NBEA: variants seen among roughly 807,000 people sequenced by gnomAD.
The protein encoded by NBEA is lysosomal-trafficking regulator 2.
Under a neutral mutation model 343.4 loss-of-function variants are expected in NBEA, and 44 were observed. The observed-to-expected ratio is 0.13, with a 90% CI of 0.10 to 0.16. The LOEUF is 0.16. NBEA is among the 10% of genes least tolerant of loss of function. The pLI is 1.00. For synonymous variants in NBEA, 1,175 were observed against 1,238.7 expected (o/e 0.95, Z 1.08); for missense variants, 2,555 against 3,631.3 (o/e 0.70, Z 7.62).
intron 44 of NBEA, among the ~76,000 whole-genome samples, chr13:35,559,151 G>C (rs1007401263): frequency 6.6e-6 from 1 of 152,172 alleles, no homozygotes; most frequent in Non-Finnish European, 1.5e-5. Flanking sequence ...GGTTTTCTTA[G>C]AGAAGCTTCA....
intron 41 of NBEA, among the ~76,000 whole-genome samples, chr13:35,501,151 T>C (rs2076872377): frequency 6.6e-6 from 1 of 152,128 alleles, no homozygotes; most frequent in Non-Finnish European, 1.5e-5. Flanking sequence ...GGTACTTTAG[T>C]ATCATGAGAG....
At chr13:35,563,333 T>G (rs1036677715) in intron 44 of NBEA, among the ~76,000 whole-genome samples, 2 of 152,008 alleles carry the variant, frequency 1.3e-5, no homozygotes, top group African/African-American at 4.8e-5. Context: ...CAGAGCCTCA[T>G]GAGTATTACT....
chr13:35,486,010 A>G (rs1043919805), intron 41 of NBEA, among the ~76,000 whole-genome samples: 2 of 152,062 alleles, frequency 1.3e-5, no homozygotes, highest in African/African-American at 4.8e-5. Flanking sequence ...AAAATTCTCC[A>G]GATTGTTTAG....
chr13:35,401,729 A>G (rs2043010743), intron 38 of NBEA, among the ~76,000 whole-genome samples: 1 of 151,986 alleles, frequency 6.6e-6, no homozygotes, highest in South Asian at 2.1e-4. Context: ...GGCAGAGGTC[A>G]TTTATTATCA....
intron 38 of NBEA, among the ~76,000 whole-genome samples, chr13:35,430,771 A>G (rs954062171): frequency 3.9e-5 from 6 of 152,160 alleles, no homozygotes; most frequent in Admixed American, 1.3e-4. Context: ...TGATTTTAGC[A>G]TGGTCTTCCT....
chr13:35,491,068 C>G (rs1312504316), intron 41 of NBEA, among the ~76,000 whole-genome samples: 1 of 151,690 alleles, frequency 6.6e-6, no homozygotes, highest in Non-Finnish European at 1.5e-5. Context: ...CTTATATTAC[C>G]CAAGACCACA....
At chr13:35,552,004 T>C (rs2079350542) in intron 43 of NBEA, among the ~76,000 whole-genome samples, 1 of 152,292 alleles carries the variant, frequency 6.6e-6, no homozygotes, top group South Asian at 2.1e-4. Context: ...CTAGGTTTTA[T>C]GGAAAAAGAT....
chr13:35,193,358 C>T (rs574225605), intron 30 of NBEA, among the ~76,000 whole-genome samples: 23 of 151,988 alleles, frequency 1.5e-4, no homozygotes, highest in Non-Finnish European at 2.7e-4. Flanking sequence ...TACGGCTATT[C>T]TTCTTTTGAC....
chr13:35,159,230 T>G lies in NBEA; in HGVS notation c.3059T>G (p.Val1020Gly). The change falls in exon 22 of 59, where the codon GTC (valine) becomes GGC (glycine). Residue 1020 changes from valine (V) to glycine (G), a missense_variant. Val to Gly is a moderately radical substitution (Grantham distance 109). Coordinates refer to ENST00000379939, the MANE Select transcript of NBEA (RefSeq NM_001385012.1). ...CCAGAAAGTGAGACCGATTACCCTG[T>G]CAGCACAGATACTCGAGACTTACTC... Reference protein sequence around the residue: ...QSPESETDYPVSTDTRDLLMS... With the variant: ...QSPESETDYPGSTDTRDLLMS... The G allele has an allele frequency of 6.2e-7, 1 of 1,613,598 alleles. No individual in the cohort carries two copies. The highest frequency in any genetic ancestry group is 8.5e-7 in the Non-Finnish European group (1 of 1,179,650).
At chr13:35,218,402 T>A (rs1196196797) in intron 33 of NBEA, among the ~76,000 whole-genome samples, 1 of 152,030 alleles carries the variant, frequency 6.6e-6, no homozygotes, top group Non-Finnish European at 1.5e-5. Context: ...TTCTATAGAT[T>A]GTTTCAAAAT....
chr13:35,430,391 G>C (rs564881132), intron 38 of NBEA, among the ~76,000 whole-genome samples: 6 of 152,212 alleles, frequency 3.9e-5, no homozygotes, highest in Admixed American at 3.9e-4. Flanking sequence ...TTTATGGGTT[G>C]TCTGTTTACT....
chr13:35,136,730 C>T lies in NBEA; in HGVS notation c.2337-5539C>T, dbSNP rs149861331. On this transcript the variant is annotated intron_variant, in intron 17 of 58. Transcript: ENST00000379939. ...GCAAGTTCTGAAAGAAGGTGTGACC[C>T]GAGAATATTATATCCTGCCAGATTG... is the stretch of plus-strand genomic sequence containing the variant. 6.9e-3 allele frequency among the ~76,000 whole-genome samples: 1,057 copies of T among 152,162 alleles called. 4 individuals carry two copies. The highest frequency in any genetic ancestry group is 0.011 in the Non-Finnish European group (720 of 68,000).
intron 38 of NBEA, among the ~76,000 whole-genome samples, chr13:35,424,081 T>C (rs2044483117): frequency 1.3e-5 from 2 of 152,178 alleles, no homozygotes; most frequent in South Asian, 4.1e-4. Flanking sequence ...AGATATACAA[T>C]CATGTCATCT....
chr13:35,254,917 T>C (rs2032413836), intron 34 of NBEA, among the ~76,000 whole-genome samples: 1 of 152,026 alleles, frequency 6.6e-6, no homozygotes, highest in African/African-American at 2.4e-5. Flanking sequence ...TAATATAAAA[T>C]TATTTTGAAG....
chr13:35,147,473 A>G (rs1282536893), intron 18 of NBEA, among the ~76,000 whole-genome samples: 1 of 152,160 alleles, frequency 6.6e-6, no homozygotes, highest in Non-Finnish European at 1.5e-5. Flanking sequence ...TTAGGAGGGT[A>G]GGAAACACCA....
At chr13:35,445,845 C>T (rs1195191814) in intron 39 of NBEA, among the ~76,000 whole-genome samples, 2 of 135,434 alleles carry the variant, frequency 1.5e-5, no homozygotes, top group South Asian at 2.3e-4. Flanking sequence ...ATTTGAAGTT[C>T]TAGGGTACAT....
At chr13:35,317,208 T>G (rs1370820501) in intron 36 of NBEA, among the ~76,000 whole-genome samples, 1 of 152,230 alleles carries the variant, frequency 6.6e-6, no homozygotes, top group Non-Finnish European at 1.5e-5. Context: ...TGAAAGGCAT[T>G]GCCTAGGTTT....
At chr13:35,184,120 A>G (rs2152732128) in intron 30 of NBEA, 49 bp downstream of exon 30, 5 of 1,337,712 alleles carry the variant, frequency 3.7e-6, no homozygotes, top group African/African-American at 1.5e-5. Flanking sequence ...TTATTTCATG[A>G]ATTGTTTTAA....
At chr13:35,318,069 C>T (rs1431443289) in intron 36 of NBEA, among the ~76,000 whole-genome samples, 1 of 152,010 alleles carries the variant, frequency 6.6e-6, no homozygotes, top group Non-Finnish European at 1.5e-5. Flanking sequence ...GACTTTCTCT[C>T]TTCCTATTTG....
Sources: allele counts gnomAD v4.1 joint callset (sites outside exome capture counted in the v4.1 genomes callset), GRCh38; gene constraint gnomAD v4.1.1; transcripts MANE v1.5; gene names NCBI Gene and HGNC (gene_info 2026-07-23, HGNC 2026-07-21).